TMEM132E: variants seen among roughly 807,000 people sequenced by gnomAD.
The protein encoded by TMEM132E is transmembrane protein 132E.
TMEM132E carries 49 observed loss-of-function variants against 78.5 expected under a neutral mutation model. The ratio of observed to expected loss-of-function variants is 0.62; its 90% CI spans 0.50 to 0.79. TMEM132E has a LOEUF of 0.79. Among genes scored for constraint, TMEM132E ranks in the 30% least tolerant of loss-of-function variants. The probability of loss-of-function intolerance (pLI) is 0.00; values close to 1 mark genes in which losing one functional copy is unlikely to be tolerated. For missense variants in TMEM132E, 1,403 were observed against 1,470.9 expected, an observed-to-expected ratio of 0.95 and a Z score of 0.75; for synonymous variants, 715 against 670.6, an observed-to-expected ratio of 1.07 and a Z score of -1.02.
chr17:34,609,116 G>A (rs1010323300), intron 1 of TMEM132E, among the ~76,000 whole-genome samples: 1 of 152,156 alleles, frequency 6.6e-6, no homozygotes. Context: ...AAATGGGGGT[G>A]AATCACATTA....
At chr17:34,607,318 A>T (rs567323468) in intron 1 of TMEM132E, among the ~76,000 whole-genome samples, 1 of 152,220 alleles carries the variant, frequency 6.6e-6, no homozygotes, top group Non-Finnish European at 1.5e-5. Context: ...ACATGGCAAC[A>T]TGGTGCCAGG....
chr17:34,598,463 AC>A (rs1906127971), intron 1 of TMEM132E, among the ~76,000 whole-genome samples: 1 of 152,002 alleles, frequency 6.6e-6, no homozygotes, highest in South Asian at 2.1e-4. Context: ...CTTGCTGGGT[AC>A]CCAGCACCCT....
intron 5 of TMEM132E, among the ~76,000 whole-genome samples, chr17:34,631,274 C>T (rs557222874): frequency 3.4e-4 from 52 of 152,218 alleles, no homozygotes; most frequent in Middle Eastern, 3.4e-3. Flanking sequence ...CCAAGGGAGC[C>T]AGAGTAGATG....
At chr17:34,636,300 T>C in intron 8 of TMEM132E, 102 bp downstream of exon 8, 1 of 1,172,448 alleles carries the variant, frequency 8.5e-7, no homozygotes, top group Non-Finnish European at 1.1e-6. Context: ...TATTAGGGCT[T>C]TAGGAAATGG....
Position 34,632,692 on chromosome 17 carries a change from C to T in TMEM132E, c.1483-12C>T, listed in dbSNP as rs1907387871. ...TAGGGAAGATGTGCCAACTGTTCCT[C>T]CCTTCCCCCAGGTATCCAGCAGCTG... On this transcript the variant is annotated splice_polypyrimidine_tract_variant and intron_variant, in intron 5 of 8. Coordinates refer to ENST00000631683, the MANE Select transcript of TMEM132E (RefSeq NM_001304438.2). 1 of 1,613,966 alleles carries T rather than the reference C, an allele frequency of 6.2e-7. No individual in the cohort carries two copies. Among genetic ancestry groups the T allele is most frequent in the African/African-American group, 1.3e-5 (1 of 74,912 alleles).
chr17:34,607,525 G>A (rs1177250151), intron 1 of TMEM132E, among the ~76,000 whole-genome samples: 1 of 152,214 alleles, frequency 6.6e-6, no homozygotes, highest in Non-Finnish European at 1.5e-5. Flanking sequence ...GGCATGAAAT[G>A]GGTGTCCACA....
chr17:34,635,941 T>TG, intron 7 of TMEM132E, 66 bp from the exon 8 acceptor site: 1 of 1,311,394 alleles, frequency 7.6e-7, no homozygotes. Flanking sequence ...TCTCCCTAGC[T>TG]GGGGGTCTTG....
At chr17:34,607,632 G>A (rs926383981) in intron 1 of TMEM132E, among the ~76,000 whole-genome samples, 3 of 152,228 alleles carry the variant, frequency 2.0e-5, no homozygotes, top group Non-Finnish European at 4.4e-5. Flanking sequence ...TCAGATGCCA[G>A]TTGCAAGTAT....
chr17:34,637,976 C>T lies in TMEM132E; in HGVS notation c.2969C>T (p.Ser990Phe). The part of the protein sequence containing the change: ...QSQVHGRGDG[S>F]SGGSARDQAE... ...CAGGTGCACGGCAGGGGCGACGGCT[C>T]CTCGGGCGGCTCAGCCCGAGACCAA... is the stretch of plus-strand genomic sequence containing the variant. Residue 990 changes from serine (S) to phenylalanine (F), a missense_variant, in exon 9 of 9, where the codon TCC becomes TTC. Around this residue, in one of 3 missense-constraint regions of TMEM132E, gnomAD observed 888 missense variants for 952.8 expected, o/e 0.93. Transcript: ENST00000631683. 1 of 1,593,932 alleles carries T rather than the reference C, an allele frequency of 6.3e-7. No homozygotes were observed. The highest frequency in any genetic ancestry group is 8.5e-7 in the Non-Finnish European group (1 of 1,171,450).
chr17:34,614,684 C>G (rs972557813), intron 1 of TMEM132E: 2 of 152,344 alleles, frequency 1.3e-5, no homozygotes, highest in Non-Finnish European at 2.9e-5. Flanking sequence ...TGATATCTCT[C>G]CTCTGCCTGG....
intron 1 of TMEM132E, among the ~76,000 whole-genome samples, chr17:34,617,240 C>A (rs1906813570): frequency 2.0e-5 from 3 of 152,232 alleles, no homozygotes; most frequent in Non-Finnish European, 4.4e-5. Context: ...AAAGAAACTG[C>A]CCAAGGTTAC....
chr17:34,626,431 G>A lies in TMEM132E; in HGVS notation c.372G>A (p.Trp124Ter), dbSNP rs1907129694. 6.2e-7 allele frequency: 1 copy of A among 1,613,380 alleles called. No individual in the cohort carries two copies. Among genetic ancestry groups the A allele is most frequent in the Non-Finnish European group, 8.5e-7 (1 of 1,179,836 alleles). Residue 124 changes from tryptophan to a stop codon, truncating the protein, a stop_gained, in exon 2 of 9, where the codon TGG becomes TGA. Transcript: ENST00000631683. LOFTEE classifies it high-confidence loss of function. ...TCCCCGAGCGCCTGACGGTGAACTGGAAGGTGCGGGCCTTCATCGTCCGCT... is the reference window on the plus strand; with the variant it reads ...TCCCCGAGCGCCTGACGGTGAACTGAAAGGTGCGGGCCTTCATCGTCCGCT... ...LDIPERLTVN[W>*]KVRAFIVRSH...
Position 34,638,266 on chromosome 17 carries a change from C to CCCT in TMEM132E, c.*35_*36insCTC, listed in dbSNP as rs1555565384. ...GCCGGAGTAGCAGGGACCCCCCCCC[C>CCCT]CAACGGGGTCAGCTCGGGGTAGGAC... On this transcript the variant is annotated 3_prime_UTR_variant, in exon 9 of 9. Coordinates refer to ENST00000631683, the MANE Select transcript of TMEM132E (RefSeq NM_001304438.2). The CCCT allele has an allele frequency of 7.0e-7, 1 of 1,428,698 alleles. No homozygotes were observed. Among genetic ancestry groups the CCCT allele is most frequent in the African/African-American group, 1.5e-5 (1 of 68,128 alleles). 88.5% of individuals were successfully genotyped at this position (1,428,698 alleles called of 1,614,324 possible). A position where few individuals can be genotyped will look rare whatever the true frequency, so the allele number is the denominator to read the frequency against.
intron 1 of TMEM132E, among the ~76,000 whole-genome samples, chr17:34,602,603 G>A (rs1373116444): frequency 1.3e-5 from 2 of 152,212 alleles, no homozygotes; most frequent in Non-Finnish European, 2.9e-5. Flanking sequence ...GCAAGGACAG[G>A]AAGACCCAGA....
chr17:34,605,873 A>C (rs530496941), intron 1 of TMEM132E, among the ~76,000 whole-genome samples: 11 of 152,112 alleles, frequency 7.2e-5, no homozygotes, highest in Admixed American at 6.6e-4. Flanking sequence ...CGTGGCGAAA[A>C]GGCCCAATTG....
chr17:34,629,340 G>T, intron 4 of TMEM132E, 136 bp downstream of exon 4: 1 of 1,005,436 alleles, frequency 9.9e-7, no homozygotes, highest in East Asian at 2.9e-5. Context: ...GCCATGCCCA[G>T]GTATGCCTGT....
At chr17:34,609,518 T>A (rs1906521032) in intron 1 of TMEM132E, among the ~76,000 whole-genome samples, 1 of 152,126 alleles carries the variant, frequency 6.6e-6, no homozygotes, top group African/African-American at 2.4e-5. Flanking sequence ...CACTTGCCTC[T>A]CGCCCTATGC....
intron 1 of TMEM132E, among the ~76,000 whole-genome samples, chr17:34,581,531 G>T (rs1476575917): frequency 6.6e-6 from 1 of 152,134 alleles, no homozygotes; most frequent in African/African-American, 2.4e-5. Flanking sequence ...GGGCTGTTGG[G>T]ATCCGCCGGG....
At chr17:34,621,794 T>C (rs915951121) in intron 1 of TMEM132E, among the ~76,000 whole-genome samples, 25 of 151,288 alleles carry the variant, frequency 1.7e-4, no homozygotes, top group African/African-American at 5.9e-4. Flanking sequence ...GCTGTGGAAG[T>C]GGGGGGCGGG....
Sources: gnomAD v4.1 joint callset for allele counts (sites outside exome capture counted in the v4.1 genomes callset) on GRCh38, gnomAD v4.1.1 for gene constraint, gnomAD v4.1.1 regional missense constraint, MANE v1.5 for transcripts, NCBI Gene and HGNC (gene_info 2026-07-23, HGNC 2026-07-21) for gene names.